HGD: variants seen among roughly 807,000 people sequenced by gnomAD.
The protein encoded by HGD is homogentisate 1,2-dioxygenase.
A neutral mutation model predicts 60.8 loss-of-function variants in HGD; 61 were observed. The ratio of observed to expected loss-of-function variants is 1.00; its 90% CI spans 0.82 to 1.24. HGD has a LOEUF of 1.24. Among genes scored for constraint, HGD ranks in the 50% most tolerant of loss-of-function variants. The pLI is 0.00. For missense variants in HGD, 542 were observed against 547.1 expected (o/e 0.99, Z 0.09); for synonymous variants, 212 against 187.7 (o/e 1.13, Z -1.06).
At chr3:120,678,782 A>C (rs1237622669) in intron 1 of HGD, among the ~76,000 whole-genome samples, 1 of 152,230 alleles carries the variant, frequency 6.6e-6, no homozygotes, top group African/African-American at 2.4e-5. Context: ...AGTTTATTGC[A>C]GCTTTAAAAT....
At chr3:120,675,652 T>C in intron 2 of HGD, 140 bp downstream of exon 2, 2 of 711,878 alleles carry the variant, frequency 2.8e-6, no homozygotes, top group Non-Finnish European at 5.2e-6. Flanking sequence ...GTATCTTCAT[T>C]GCCCCTATGA....
chr3:120,659,943 T>TGG (rs1478401982), intron 4 of HGD, among the ~76,000 whole-genome samples: 2 of 144,662 alleles, frequency 1.4e-5, no homozygotes, highest in African/African-American at 5.0e-5. Context: ...CAAGAGAGAG[T>TGG]GGGGGGTGGT....
At position 120,644,435 on chromosome 3, in the gene HGD, C is replaced by T. The variant is rs1254699970; in HGVS notation, c.658G>A (p.Gly220Ser). 3.1e-6 allele frequency: 5 copies of T among 1,614,090 alleles called. No homozygotes were observed. The highest frequency in any genetic ancestry group is 1.3e-5 in the African/African-American group (1 of 75,036). The change falls in exon 10 of 14, where the codon GGC becomes AGC. Residue 220 changes from glycine to serine, a missense_variant. Gly to Ser is a moderately conservative substitution (Grantham distance 56). Around this residue, in one of 2 missense-constraint regions of HGD, gnomAD observed 537 missense variants for 529.1 expected, o/e 1.01. Transcript: ENST00000283871. ...AAGAAATCACGAGGATTGGCCAAGCCATTGGCCCCTAGAAAACAGTAACCC... is the reference window on the plus strand; with the variant it reads ...AAGAAATCACGAGGATTGGCCAAGCTATTGGCCCCTAGAAAACAGTAACCC... ...LPDLGPIGAN[G>S]LANPRDFLIP...
chr3:120,682,031 GTTCTCAGAAAC>G, intron 1 of HGD, 55 bp downstream of exon 1: 1 of 1,489,692 alleles, frequency 6.7e-7, no homozygotes, highest in East Asian at 2.3e-5. Context: ...ATACCCTGAA[GTTCTCAGAAAC>G]TTCCATAAAT....
chr3:120,673,612 T>C (rs1450751592), intron 3 of HGD, among the ~76,000 whole-genome samples: 2 of 152,176 alleles, frequency 1.3e-5, no homozygotes, highest in African/African-American at 4.8e-5. Flanking sequence ...CATATATCTA[T>C]TGAGAGAAAA....
chr3:120,677,073 CT>C (rs1470750187), intron 1 of HGD, among the ~76,000 whole-genome samples: 1 of 152,142 alleles, frequency 6.6e-6, no homozygotes, highest in East Asian at 1.9e-4. Context: ...TGATTTATGC[CT>C]GTCTTTACTT....
At chr3:120,678,134 T>G (rs1708167283) in intron 1 of HGD, 1 of 152,226 alleles carries the variant, frequency 6.6e-6, no homozygotes, top group Non-Finnish European at 1.5e-5. Flanking sequence ...GTATACTGAT[T>G]TGTTAAAAGC....
chr3:120,642,273 T>C (rs982337923), intron 10 of HGD, among the ~76,000 whole-genome samples: 6 of 152,206 alleles, frequency 3.9e-5, no homozygotes, highest in African/African-American at 1.4e-4. Flanking sequence ...AGGTGGTCCC[T>C]TCTGTATCTA....
At chr3:120,653,996 A>C (rs1941419102) in intron 4 of HGD, among the ~76,000 whole-genome samples, 1 of 152,196 alleles carries the variant, frequency 6.6e-6, no homozygotes, top group African/African-American at 2.4e-5. Flanking sequence ...ATTTTCTCCC[A>C]GTTGAGAACC....
chr3:120,651,600 A>C (rs1941343381), intron 5 of HGD, among the ~76,000 whole-genome samples: 1 of 152,222 alleles, frequency 6.6e-6, no homozygotes, highest in African/African-American at 2.4e-5. Flanking sequence ...CTTAATAAAG[A>C]TGAGAACTTC....
chr3:120,631,025 T>A (rs1181007859), intron 13 of HGD, among the ~76,000 whole-genome samples: 1 of 151,720 alleles, frequency 6.6e-6, no homozygotes, highest in African/African-American at 2.4e-5. Flanking sequence ...GGGAGCTAAA[T>A]GATGAGAACT....
chr3:120,668,802 G>C (rs2107546005), intron 4 of HGD, among the ~76,000 whole-genome samples: 2 of 152,278 alleles, frequency 1.3e-5, no homozygotes, highest in Non-Finnish European at 1.5e-5. Flanking sequence ...GACACAGCTA[G>C]TAAGTAGATG....
intron 13 of HGD, 93 bp downstream of exon 13, chr3:120,633,054 C>T (rs1455831758): frequency 8.9e-7 from 1 of 1,120,886 alleles, no homozygotes; most frequent in Admixed American, 1.9e-5. Flanking sequence ...TTGACTCTTC[C>T]TCTGTGACTT....
intron 9 of HGD, 131 bp from the exon 10 acceptor site, chr3:120,644,574 T>C (rs1165141355): frequency 6.4e-7 from 1 of 1,552,352 alleles, no homozygotes; most frequent in Non-Finnish European, 8.7e-7. Flanking sequence ...TGCTCAAAGA[T>C]TCACTGCATT....
chr3:120,660,446 G>C (rs1941627161), intron 4 of HGD, among the ~76,000 whole-genome samples: 1 of 152,182 alleles, frequency 6.6e-6, no homozygotes, highest in South Asian at 2.1e-4. Flanking sequence ...GAGAAATCAG[G>C]CTTTGGTTGA....
At chr3:120,640,293 A>C (rs1044410845) in intron 11 of HGD, among the ~76,000 whole-genome samples, 11 of 151,980 alleles carry the variant, frequency 7.2e-5, no homozygotes, top group African/African-American at 2.7e-4. Flanking sequence ...AGGAAGGGAA[A>C]TGACATTTTA....
chr3:120,654,013 C>G (rs550231318), intron 4 of HGD, among the ~76,000 whole-genome samples: 8 of 152,278 alleles, frequency 5.3e-5, no homozygotes, highest in African/African-American at 1.9e-4. Context: ...AACCACTGAC[C>G]TGGGAGGATA....
chr3:120,638,383 C>T (rs572466783), intron 12 of HGD, 72 bp downstream of exon 12: 460 of 1,582,852 alleles, frequency 2.9e-4, no homozygotes, highest in Non-Finnish European at 3.8e-4. Context: ...AGGCATTATT[C>T]CCAATGTGTA....
chr3:120,682,088 G>T lies in HGD; in HGVS notation c.15+9C>A, dbSNP rs1553722599. 1.2e-6 allele frequency: 2 copies of T among 1,613,828 alleles called. No homozygotes were observed. The highest frequency in any genetic ancestry group is 1.7e-5 in the Admixed American group (1 of 60,006). On this transcript the variant is annotated intron_variant, in intron 1 of 13. Transcript: ENST00000283871. The stretch of plus-strand genomic sequence containing the variant: ...GAAGCCATAGCAAACTTGTCAGATG[G>T]TTTCTTACCTTTAACTCAGCCATTT...
Sources: allele counts gnomAD v4.1 joint callset (sites outside exome capture counted in the v4.1 genomes callset), GRCh38; gene constraint gnomAD v4.1.1; regional missense constraint gnomAD v4.1.1; transcripts MANE v1.5; gene names NCBI Gene and HGNC (gene_info 2026-07-23, HGNC 2026-07-21).